Variants in FARP2 observed in about 807,000 individuals in gnomAD.
The protein encoded by FARP2 is FERM, ARH/RhoGEF and pleckstrin domain protein 2, also known as FERM, ARHGEF and pleckstrin domain-containing protein 2.
Under a neutral mutation model 130.5 loss-of-function variants are expected in FARP2, and 111 were observed. The observed-to-expected ratio is 0.85, with a 90% CI of 0.73 to 1.00. The LOEUF is 1.00. FARP2 is among the 50% of genes least tolerant of loss of function. The probability of loss-of-function intolerance (pLI) is 0.00; values close to 1 mark genes in which losing one functional copy is unlikely to be tolerated. For missense variants in FARP2, 1,385 were observed against 1,346.3 expected (o/e 1.03, Z -0.45); for synonymous variants, 504 against 516.9 (o/e 0.98, Z 0.34).
At chr2:241,442,382 C>T (rs1559775119) in intron 13 of FARP2, 1 of 456,714 alleles carries the variant, frequency 2.2e-6, no homozygotes, top group East Asian at 6.9e-5. Flanking sequence ...GAGTCAGACT[C>T]ATGGGACTCT....
intron 2 of FARP2, chr2:241,387,454 C>T (rs13395218): frequency 0.79 from 120,865 of 152,220 alleles, 48,164 homozygotes; most frequent in East Asian, 0.95. Flanking sequence ...AGATCAATTG[C>T]ATTTCTATGC....
At position 241,431,682 on chromosome 2, in the gene FARP2, A is replaced by G. The variant is rs1367371335; in HGVS notation, c.775A>G (p.Thr259Ala). 3.8e-6 allele frequency: 6 copies of G among 1,563,174 alleles called. No homozygotes were observed. Among genetic ancestry groups the G allele is most frequent in the Non-Finnish European group, 5.3e-6 (6 of 1,137,218 alleles). The part of the protein sequence containing the change: ...SHMGVLVFQG[T>A]TKINTFNWSK... The stretch of plus-strand genomic sequence containing the variant: ...CTGTCTGTCTCTTGCATTTCAGGGC[A>G]CCACCAAAATCAACACTTTCAACTG... Residue 259 changes from threonine to alanine, a missense_variant, in exon 9 of 27, where the codon ACC becomes GCC. Transcript: ENST00000264042.
At position 241,441,284 on chromosome 2, in the gene FARP2, T is replaced by G. The variant is rs767791191; in HGVS notation, c.1159-20T>G. ...TGTAATTTTATATCCTTTTTTTCTT[T>G]TCTTAACTTTGGTTCCCAGAGCATC... On this transcript the variant is annotated intron_variant, in intron 12 of 26. Coordinates refer to ENST00000264042, the MANE Select transcript of FARP2 (RefSeq NM_014808.4). 9.0e-6 allele frequency: 14 copies of G among 1,548,962 alleles called. No individual in the cohort carries two copies. The highest frequency in any genetic ancestry group is 2.1e-5 in the Admixed American group (1 of 48,014).
In FARP2 at chr2:241,413,432, A is replaced by G. The variant is rs1379977610; in HGVS notation, c.623+11A>G. The G allele has an allele frequency of 1.9e-6, 3 of 1,552,330 alleles. No homozygotes were observed. The highest frequency in any genetic ancestry group is 1.7e-4 in the Middle Eastern group (1 of 5,950). On this transcript the variant is annotated intron_variant, in intron 7 of 26. Transcript: ENST00000264042. ...CCATCAGAAGCACGTGTAAGTCATCACAATTGTCTGTCAACACATTGTCAC... is the reference window on the plus strand; with the variant it reads ...CCATCAGAAGCACGTGTAAGTCATCGCAATTGTCTGTCAACACATTGTCAC...
At chr2:241,447,951 G>C (rs778133791) in intron 13 of FARP2, among the ~76,000 whole-genome samples, 6 of 152,204 alleles carry the variant, frequency 3.9e-5, no homozygotes, top group Non-Finnish European at 7.3e-5. Context: ...AGCACCTGCT[G>C]CCCAGTGGGC....
intron 15 of FARP2, 149 bp from the exon 16 acceptor site, chr2:241,463,186 G>A: frequency 1.5e-6 from 1 of 677,630 alleles, no homozygotes; most frequent in East Asian, 2.8e-5. Context: ...TCAACAAAGA[G>A]GATGGCTGTA....
At chr2:241,473,853 A>G (rs2064380365) in intron 18 of FARP2, among the ~76,000 whole-genome samples, 1 of 152,190 alleles carries the variant, frequency 6.6e-6, no homozygotes, top group Non-Finnish European at 1.5e-5. Flanking sequence ...GGCTTCACTG[A>G]AGTTCTTCCT....
chr2:241,463,920 C>A lies in FARP2; in HGVS notation c.1833C>A (p.His611Gln). 1 of 1,614,074 alleles carries A rather than the reference C, an allele frequency of 6.2e-7. No homozygotes were observed. ...TCAGGGAAGGGCCCTCCAAAGCCCA[C>A]ACAAAAGGCAGTCATCAACGAATCG... ...LALWEGPSKA[H>Q]TKGSHQRIGD... The change falls in exon 17 of 27, where the codon CAC becomes CAA. Residue 611 changes from histidine to glutamine, a missense_variant. Physicochemically the swap from His to Gln is conservative, Grantham distance 24. Coordinates refer to ENST00000264042, the MANE Select transcript of FARP2 (RefSeq NM_014808.4).
intron 4 of FARP2, among the ~76,000 whole-genome samples, chr2:241,406,349 A>G (rs1318316614): frequency 1.3e-5 from 2 of 150,882 alleles, no homozygotes; most frequent in East Asian, 1.9e-4. Context: ...TGGGGAAAAA[A>G]TGTCTCTCTC....
intron 19 of FARP2, among the ~76,000 whole-genome samples, chr2:241,476,319 C>T (rs1314980196): frequency 6.6e-6 from 1 of 151,614 alleles, no homozygotes; most frequent in Non-Finnish European, 1.5e-5. Context: ...CCAAGGAGGT[C>T]GAGGCTGGAG....
At chr2:241,483,824 ATACATGT>A in intron 20 of FARP2, 1 of 985,488 alleles carries the variant, frequency 1.0e-6, no homozygotes. Context: ...TAAAGTCCAC[ATACATGT>A]GGCTGCAAGA....
At chr2:241,472,823 C>T (rs758635310) in intron 18 of FARP2, among the ~76,000 whole-genome samples, 5 of 146,032 alleles carry the variant, frequency 3.4e-5, no homozygotes, top group Non-Finnish European at 7.5e-5. Context: ...TCTGAGGGGA[C>T]GCTATTCTGA....
At chr2:241,404,131 A>C (rs2062268897) in intron 3 of FARP2, among the ~76,000 whole-genome samples, 199 bp downstream of exon 3, 1 of 152,224 alleles carries the variant, frequency 6.6e-6, no homozygotes, top group Non-Finnish European at 1.5e-5. Flanking sequence ...GTTTGTTAGC[A>C]CATGTGCTGA....
chr2:241,360,783 T>A (rs1218693306), intron 1 of FARP2, among the ~76,000 whole-genome samples: 1 of 152,192 alleles, frequency 6.6e-6, no homozygotes, highest in African/African-American at 2.4e-5. Flanking sequence ...GTTAATTATC[T>A]AACACACCTG....
At chr2:241,464,718 T>C (rs1162212378) in intron 17 of FARP2, among the ~76,000 whole-genome samples, 1 of 151,794 alleles carries the variant, frequency 6.6e-6, no homozygotes, top group African/African-American at 2.4e-5. Context: ...AGGGTCTCCC[T>C]TGAAGCATCA....
intron 20 of FARP2, chr2:241,483,943 C>T (rs2064689891): frequency 7.7e-7 from 1 of 1,296,172 alleles, no homozygotes; most frequent in African/African-American, 1.5e-5. Context: ...GGGTTCCAGC[C>T]TGAAACATGT....
At chr2:241,457,599 G>C (rs373016162) in intron 14 of FARP2, among the ~76,000 whole-genome samples, 48 of 79,004 alleles carry the variant, frequency 6.1e-4, no homozygotes, top group East Asian at 4.7e-3. Flanking sequence ...AGTGTAGAAA[G>C]ATCTGGGTGC....
intron 2 of FARP2, among the ~76,000 whole-genome samples, chr2:241,378,721 C>T (rs958527548): frequency 6.6e-6 from 1 of 152,100 alleles, no homozygotes; most frequent in Admixed American, 6.5e-5. Context: ...GAAGCCAACT[C>T]GTAAACTGAT....
rs770157976 is a variant in FARP2, at chr2:241,491,554, G to A, written c.2662G>A (p.Asp888Asn). 7.4e-6 allele frequency: 12 copies of A among 1,613,650 alleles called. 1 individual carries two copies. The highest frequency in any genetic ancestry group is 1.6e-4 in the Middle Eastern group (1 of 6,084). ...NEVSLEQESE[D>N]DARGVRSSLE... is the part of the protein sequence containing the mutation. ...GGTATCTCTGGAGCAGGAGTCAGAAGATGATGCTCGGGGTGTCCGCAGCTC... is the reference window on the plus strand; with the variant it reads ...GGTATCTCTGGAGCAGGAGTCAGAAAATGATGCTCGGGGTGTCCGCAGCTC... Residue 888 changes from aspartate to asparagine, a missense_variant, in exon 24 of 27, where the codon GAT becomes AAT. Transcript: ENST00000264042.
Sources: allele counts gnomAD v4.1 joint callset (sites outside exome capture counted in the v4.1 genomes callset), GRCh38; gene constraint gnomAD v4.1.1; transcripts MANE v1.5; gene names NCBI Gene and HGNC (gene_info 2026-07-23, HGNC 2026-07-21).